ERGIC1: variants seen among roughly 807,000 people sequenced by gnomAD.
The protein encoded by ERGIC1 is endoplasmic reticulum-golgi intermediate compartment 1, also known as endoplasmic reticulum-Golgi intermediate compartment protein 1.
ERGIC1 carries 19 observed loss-of-function variants against 38.3 expected under a neutral mutation model. That is an observed-to-expected ratio of 0.50 (90% confidence interval 0.35 to 0.73). The LOEUF is 0.73. ERGIC1 is among the 30% of genes least tolerant of loss of function. The pLI is 0.01. For missense variants in ERGIC1, 294 were observed against 389.2 expected (o/e 0.76, Z 2.06); for synonymous variants, 124 against 157.6 (o/e 0.79, Z 1.60).
intron 1 of ERGIC1, among the ~76,000 whole-genome samples, chr5:172,872,886 A>G (rs987377258): frequency 2.0e-5 from 3 of 152,230 alleles, no homozygotes; most frequent in Admixed American, 1.3e-4. Context: ...AGCTGAATCA[A>G]TTGGGCAGGT....
At chr5:172,927,692 GTC>G (rs1763687092) in intron 7 of ERGIC1, among the ~76,000 whole-genome samples, 1 of 150,408 alleles carries the variant, frequency 6.6e-6, no homozygotes, top group Admixed American at 6.7e-5. Flanking sequence ...CAATTCTCCT[GTC>G]TCAGTCTCCC....
In ERGIC1 at chr5:172,932,467, T is replaced by C. The variant is rs375104012; in HGVS notation, c.573T>C (p.Ile191=). The change falls in exon 8 of 10, where the codon ATT becomes ATC. Residue 191 remains isoleucine (I), a synonymous_variant. Coordinates refer to ENST00000393784, the MANE Select transcript of ERGIC1 (RefSeq NM_001031711.3). Reference sequence around the variant, plus strand: ...CCTCCCACGACTACATCCTGAAGATTGTGCCCACGGTTTATGAGGACAAGA... The same window carrying C: ...CCTCCCACGACTACATCCTGAAGATCGTGCCCACGGTTTATGAGGACAAGA... The part of the protein sequence containing the change: ...PLASHDYILK[I]VPTVYEDKSG... 6.2e-7 allele frequency: 1 copy of C among 1,614,074 alleles called. No homozygotes were observed. Among genetic ancestry groups the C allele is most frequent in the African/African-American group, 1.3e-5 (1 of 74,938 alleles).
chr5:172,858,086 C>T (rs899354), intron 1 of ERGIC1, among the ~76,000 whole-genome samples: 35,614 of 152,138 alleles, frequency 0.23, 5,194 homozygotes, highest in Middle Eastern at 0.34. Context: ...GTGAGGCCTG[C>T]GTCTTCTAGG....
chr5:172,927,414 C>A (rs541703586), intron 7 of ERGIC1, among the ~76,000 whole-genome samples: 2 of 152,274 alleles, frequency 1.3e-5, no homozygotes, highest in East Asian at 3.9e-4. Context: ...TTTTCTGTGT[C>A]CCTGTGAGTC....
At chr5:172,867,590 C>T in intron 1 of ERGIC1, 2 of 408,308 alleles carry the variant, frequency 4.9e-6, no homozygotes, top group Non-Finnish European at 1.0e-5. Context: ...CCTAGCCGCC[C>T]CCTGTCCTCT....
chr5:172,840,848 A>T (rs1436759680), intron 1 of ERGIC1, among the ~76,000 whole-genome samples: 1 of 152,238 alleles, frequency 6.6e-6, no homozygotes, highest in Non-Finnish European at 1.5e-5. Context: ...CAGGTGATTC[A>T]TGTATTCATT....
At chr5:172,856,460 G>A (rs1761551209) in intron 1 of ERGIC1, among the ~76,000 whole-genome samples, 1 of 152,272 alleles carries the variant, frequency 6.6e-6, no homozygotes, top group Admixed American at 6.5e-5. Context: ...ATGAGTTGGA[G>A]TGAAGTCAGT....
intron 1 of ERGIC1, among the ~76,000 whole-genome samples, chr5:172,847,662 G>A (rs11741536): frequency 0.6 from 90,682 of 151,794 alleles, 29,703 homozygotes; most frequent in Non-Finnish European, 0.74. Context: ...CTACAGGTGC[G>A]CGCCACCACA....
Position 172,885,617 on chromosome 5 carries a change from C to T in ERGIC1, c.21-3082C>T, listed in dbSNP as rs971711239. On this transcript the variant is annotated intron_variant, in intron 1 of 9. Transcript: ENST00000393784. ...CCCCCTCATTTCATACTCAGAGAAG[C>T]TGAGGCCCAGCAAGGGCCAGGGATT... 5.3e-5 allele frequency among the ~76,000 whole-genome samples: 8 copies of T among 152,272 alleles called. No homozygotes were observed. The South Asian group carries it at 8.3e-4, about 16-fold the overall frequency.
At chr5:172,934,953 C>T (rs1349349153) in intron 8 of ERGIC1, 5 of 548,852 alleles carry the variant, frequency 9.1e-6, no homozygotes, top group South Asian at 7.0e-5. Flanking sequence ...CTGCTTGCAG[C>T]TCACTTGGTC....
chr5:172,915,549 G>T (rs750740215), intron 5 of ERGIC1: 1 of 470,632 alleles, frequency 2.1e-6, no homozygotes. Context: ...AGTCAAGTGG[G>T]TGAACGCAGT....
chr5:172,852,670 C>T lies in ERGIC1; in HGVS notation c.20+18237C>T, dbSNP rs146596069. On this transcript the variant is annotated intron_variant, in intron 1 of 9. Transcript: ENST00000393784. ...GCAGGGTCTTCCTCTTGGGTCTGAA[C>T]CTCAGCTCTCCTACTTGAAGCCTCT... 2.0e-3 allele frequency among the ~76,000 whole-genome samples: 299 copies of T among 152,326 alleles called. 1 individual carries two copies. The highest frequency in any genetic ancestry group is 6.8e-3 in the African/African-American group (283 of 41,580).
chr5:172,868,975 A>C (rs1761939134), intron 1 of ERGIC1, among the ~76,000 whole-genome samples: 2 of 152,190 alleles, frequency 1.3e-5, no homozygotes, highest in South Asian at 4.1e-4. Context: ...GTGGCTCTGC[A>C]CTCTGCGGGG....
Position 172,837,479 on chromosome 5 carries a change from G to C in ERGIC1, c.20+3046G>C, listed in dbSNP as rs929564093. Among the ~76,000 whole-genome samples the C allele has an allele frequency of 9.2e-5, 14 of 152,152 alleles. No homozygotes were observed. The highest frequency in any genetic ancestry group is 3.4e-4 in the African/African-American group (14 of 41,444). On this transcript the variant is annotated intron_variant, in intron 1 of 9. Transcript: ENST00000393784. The surrounding 1 kb of genome is among the most constrained non-coding windows in gnomAD (Gnocchi z 4.3). ...CCCATTAGTACATGAGCTCCTGAGG[G>C]CAAGAAGTTTTTATCAGGCTTCTTC...
At chr5:172,851,414 C>T (rs985286926) in intron 1 of ERGIC1, among the ~76,000 whole-genome samples, 2 of 152,082 alleles carry the variant, frequency 1.3e-5, no homozygotes, top group Admixed American at 6.5e-5. Context: ...GAGGCTGAGA[C>T]AGGAGATTCG....
intron 1 of ERGIC1, among the ~76,000 whole-genome samples, chr5:172,839,920 A>G (rs1761120796): frequency 1.3e-5 from 2 of 152,196 alleles, no homozygotes; most frequent in African/African-American, 2.4e-5. Context: ...CTGTAGGCTC[A>G]TCTCTAAAGC....
rs558678067 is a variant in ERGIC1, at chr5:172,834,667, C to G, written c.20+234C>G. 4.3e-4 allele frequency among the ~76,000 whole-genome samples: 65 copies of G among 151,834 alleles called. No homozygotes were observed. The highest frequency in any genetic ancestry group is 1.5e-3 in the African/African-American group (64 of 41,428). ...ACAAATCCACCCACCTTCCCTCCGC[C>G]GAGCCCCCTCCCCAGCCTGCCCGGA... On this transcript the variant is annotated intron_variant, in intron 1 of 9. Coordinates refer to ENST00000393784, the MANE Select transcript of ERGIC1 (RefSeq NM_001031711.3). This position sits in a 1 kb window ranked among gnomAD's most constrained non-coding sequence, Gnocchi z 4.1.
At chr5:172,851,876 C>T (rs1023477606) in intron 1 of ERGIC1, among the ~76,000 whole-genome samples, 6 of 152,030 alleles carry the variant, frequency 3.9e-5, no homozygotes, top group African/African-American at 1.2e-4. Flanking sequence ...AAGAGTAATG[C>T]GTTGTTAGTA....
At chr5:172,938,933 C>T (rs1763944790) in intron 9 of ERGIC1, among the ~76,000 whole-genome samples, 1 of 151,416 alleles carries the variant, frequency 6.6e-6, no homozygotes, top group Non-Finnish European at 1.5e-5. Flanking sequence ...CATGGTGGCA[C>T]ATGCTTGTAG....
Sources: allele counts gnomAD v4.1 joint callset (sites outside exome capture counted in the v4.1 genomes callset), GRCh38; gene constraint gnomAD v4.1.1; non-coding constraint Gnocchi (gnomAD v3.1); transcripts MANE v1.5; gene names NCBI Gene and HGNC (gene_info 2026-07-23, HGNC 2026-07-21).